Variants in TBC1D8 observed in about 807,000 individuals in gnomAD.
TBC1D8 encodes the protein TBC1 domain family member 8, also known as BUB2-like protein 1.
In TBC1D8, 65 loss-of-function variants were observed where a neutral mutation model predicts 118.8. That is an observed-to-expected ratio of 0.55 (90% confidence interval 0.45 to 0.67). TBC1D8 has a LOEUF of 0.67. Ranked by LOEUF, TBC1D8 falls within the 30% of genes least tolerant of loss-of-function variation. The pLI is 0.00. For missense variants in TBC1D8, 1,376 were observed against 1,471.2 expected (o/e 0.94, Z 1.06); for synonymous variants, 566 against 595.8 (o/e 0.95, Z 0.73).
At chr2:101,077,561 T>C (rs977283607) in intron 2 of TBC1D8, among the ~76,000 whole-genome samples, 1 of 152,092 alleles carries the variant, frequency 6.6e-6, no homozygotes, top group Non-Finnish European at 1.5e-5. Context: ...CTACATCCTT[T>C]TAAACAACGA....
At chr2:101,117,419 G>A (rs951679206) in intron 1 of TBC1D8, among the ~76,000 whole-genome samples, 1 of 152,004 alleles carries the variant, frequency 6.6e-6, no homozygotes, top group East Asian at 1.9e-4. Flanking sequence ...AGTGGATTTC[G>A]TAACCAATTT....
At chr2:101,113,780 AAC>A (rs1677707150) in intron 1 of TBC1D8, among the ~76,000 whole-genome samples, 1 of 152,212 alleles carries the variant, frequency 6.6e-6, no homozygotes, top group Non-Finnish European at 1.5e-5. Flanking sequence ...GAAGGAAGAC[AAC>A]TCCATAGGCT....
intron 1 of TBC1D8, among the ~76,000 whole-genome samples, chr2:101,118,816 C>T (rs963898696): frequency 6.6e-6 from 1 of 152,130 alleles, no homozygotes; most frequent in Admixed American, 6.5e-5. Flanking sequence ...GAGACCAGAC[C>T]GGGCAACATG....
chr2:101,064,551 TAAGACCTCC>T (rs1682922506), intron 2 of TBC1D8, among the ~76,000 whole-genome samples: 1 of 152,216 alleles, frequency 6.6e-6, no homozygotes, highest in African/African-American at 2.4e-5. Context: ...CCTGTCTTAT[TAAGACCTCC>T]AATTTTTCAA....
At position 101,008,046 on chromosome 2, in the gene TBC1D8, C is replaced by T. The variant is rs541189292; in HGVS notation, c.3243G>A (p.Thr1081=). ...CTGGAAATGCCTGGGAGTCCTGGGG[C>T]GTCTTCCCAGTGTCTGCAAAAACCG... ...EDSVFADTGK[T]PQDSQAFPEA... Residue 1081 remains threonine (T), a synonymous_variant, in exon 20 of 20, where the codon ACG becomes ACA. Transcript: ENST00000409318. 16 of 1,613,922 alleles carry T rather than the reference C, an allele frequency of 9.9e-6. No homozygotes were observed. Among genetic ancestry groups the T allele is most frequent in the Admixed American group, 8.3e-5 (5 of 60,006 alleles).
chr2:101,077,540 C>T (rs574023913), intron 2 of TBC1D8, among the ~76,000 whole-genome samples: 6 of 152,290 alleles, frequency 3.9e-5, no homozygotes, highest in African/African-American at 1.4e-4. Flanking sequence ...AGCCACCGTG[C>T]CCGGCCGGTG....
intron 17 of TBC1D8, among the ~76,000 whole-genome samples, chr2:101,018,550 T>C (rs1679824624): frequency 6.6e-6 from 1 of 152,216 alleles, no homozygotes; most frequent in Non-Finnish European, 1.5e-5. Context: ...CTGGAGCAGC[T>C]TCAATTTTAT....
intron 1 of TBC1D8, among the ~76,000 whole-genome samples, chr2:101,127,427 A>G (rs768965434): frequency 7.2e-5 from 11 of 152,118 alleles, no homozygotes; most frequent in Non-Finnish European, 8.8e-5. Flanking sequence ...GGGCTTTTCA[A>G]TCTCTCAACT....
Position 101,008,166 on chromosome 2 carries a change from C to G in TBC1D8, c.3123G>C (p.Gln1041His). ...AIATVTTLLL[Q>H]IGEVGQRGSS... ...TGCCTCGCTGCCCCACCTCCCCGAT[C>G]TGCAGCAGCAGTGTGGTGACTGTGG... The change falls in exon 20 of 20, where the codon CAG (glutamine) becomes CAC (histidine). Residue 1041 changes from glutamine to histidine, a missense_variant. Gln to His is a conservative substitution (Grantham distance 24, BLOSUM62 0). Coordinates refer to ENST00000409318, the MANE Select transcript of TBC1D8 (RefSeq NM_001330348.2). 6.2e-7 allele frequency: 1 copy of G among 1,613,860 alleles called. No homozygotes were observed. The highest frequency in any genetic ancestry group is 8.5e-7 in the Non-Finnish European group (1 of 1,179,822).
At chr2:101,095,271 T>TATTA (rs1574023624) in intron 1 of TBC1D8, among the ~76,000 whole-genome samples, 1 of 150,204 alleles carries the variant, frequency 6.7e-6, no homozygotes, top group African/African-American at 2.4e-5. Context: ...ATTATTATAC[T>TATTA]TTAAGTTTTA....
chr2:101,086,033 T>C (rs946052955), intron 2 of TBC1D8, among the ~76,000 whole-genome samples: 4 of 151,772 alleles, frequency 2.6e-5, no homozygotes, highest in African/African-American at 7.3e-5. Context: ...TCCCAGCTAC[T>C]TGGGAGGCTG....
intron 5 of TBC1D8, among the ~76,000 whole-genome samples, chr2:101,041,407 T>TTA (rs1301014279): frequency 6.6e-6 from 1 of 152,178 alleles, no homozygotes; most frequent in Non-Finnish European, 1.5e-5. Context: ...CTTGAAAATA[T>TTA]TATACTGAGT....
intron 2 of TBC1D8, among the ~76,000 whole-genome samples, chr2:101,086,157 A>T (rs1675609108): frequency 1.3e-5 from 2 of 151,700 alleles, no homozygotes; most frequent in Non-Finnish European, 2.9e-5. Flanking sequence ...AAAAAAAAAA[A>T]CTTGACAACA....
chr2:101,023,681 G>A (rs1378406841), intron 15 of TBC1D8: 1 of 411,898 alleles, frequency 2.4e-6, no homozygotes, highest in South Asian at 1.8e-5. Context: ...AACAAAACCG[G>A]CCCCATCGCT....
chr2:101,047,706 G>A (rs1681799487), intron 5 of TBC1D8, among the ~76,000 whole-genome samples: 1 of 152,212 alleles, frequency 6.6e-6, no homozygotes. Context: ...GCACCTGCAG[G>A]CACCCTGGCA....
rs182901589 is a variant in TBC1D8, at chr2:101,033,934, C to T, written c.1604-176G>A. Among the ~76,000 whole-genome samples, 120 of 152,176 alleles carry T rather than the reference C, an allele frequency of 7.9e-4. 1 individual carries two copies. Among genetic ancestry groups the T allele is most frequent in the African/African-American group, 2.6e-3 (108 of 41,524 alleles). On this transcript the variant is annotated intron_variant, in intron 9 of 19. Transcript: ENST00000409318. ...ATCCCAGCATTTTGGGAGGCCGAGG[C>T]GGGTGGATCACTTGAGGTCAGGAGT... is the stretch of plus-strand genomic sequence containing the variant.
chr2:101,010,989 C>T lies in TBC1D8; in HGVS notation c.2955G>A (p.Met985Ile), dbSNP rs930515840. ...CTTTTTCTTTGGCTAAATCCTTAAT[C>T]ATCTGCTTCAGCTGTTTCTGATAAT... ...AVDYQKQLKQ[M>I]IKDLAKEKDK... The change falls in exon 19 of 20, where the codon ATG becomes ATA. Residue 985 changes from methionine to isoleucine, a missense_variant. By Grantham distance (10) the Met-to-Ile change is conservative. Coordinates refer to ENST00000409318, the MANE Select transcript of TBC1D8 (RefSeq NM_001330348.2). The T allele has an allele frequency of 1.2e-6, 2 of 1,612,850 alleles. No individual in the cohort carries two copies. Among genetic ancestry groups the T allele is most frequent in the Non-Finnish European group, 1.7e-6 (2 of 1,179,852 alleles).
At chr2:101,128,566 T>C (rs1289735508) in intron 1 of TBC1D8, among the ~76,000 whole-genome samples, 1 of 152,200 alleles carries the variant, frequency 6.6e-6, no homozygotes, top group Non-Finnish European at 1.5e-5. Flanking sequence ...AGAATCACCA[T>C]GTGATCCAGC....
intron 6 of TBC1D8, among the ~76,000 whole-genome samples, chr2:101,038,943 G>A (rs182593047): frequency 7.5e-4 from 114 of 152,332 alleles, no homozygotes; most frequent in African/African-American, 2.7e-3. Context: ...GATGAGCCCC[G>A]AGGGCATTAT....
Sources: allele counts gnomAD v4.1 joint callset (sites outside exome capture counted in the v4.1 genomes callset), GRCh38; gene constraint gnomAD v4.1.1; transcripts MANE v1.5; gene names NCBI Gene and HGNC (gene_info 2026-07-23, HGNC 2026-07-21).